The following TPGS2 variants were observed in gnomAD, a reference collection of about 807,000 sequenced individuals.
TPGS2 encodes the protein polyglutamylase subunit 2.
In TPGS2, 26 loss-of-function variants were observed where a neutral mutation model predicts 31.1. The ratio of observed to expected loss-of-function variants is 0.84; its 90% CI spans 0.61 to 1.16. TPGS2 has a LOEUF of 1.16. Ranked by LOEUF, TPGS2 falls within the 50% of genes most tolerant of loss-of-function variation. The pLI is 0.00. For missense variants in TPGS2, 351 were observed against 363.8 expected (o/e 0.96, Z 0.29); for synonymous variants, 130 against 136.6 (o/e 0.95, Z 0.34).
At chr18:36,808,878 C>T (rs1427710724) in intron 2 of TPGS2, among the ~76,000 whole-genome samples, 1 of 152,128 alleles carries the variant, frequency 6.6e-6, no homozygotes, top group Non-Finnish European at 1.5e-5. Flanking sequence ...CCAGTCTTCC[C>T]TAGCCAACTC....
downstream of TPGS2, among the ~76,000 whole-genome samples, chr18:36,791,229 A>G (rs2044299500): frequency 1.3e-5 from 2 of 152,220 alleles, no homozygotes; most frequent in South Asian, 4.1e-4. Flanking sequence ...CAGCCTGCAG[A>G]ACTTCAAGTC....
chr18:36,825,688 A>G (rs772504335), intron 1 of TPGS2, among the ~76,000 whole-genome samples: 19 of 152,206 alleles, frequency 1.2e-4, no homozygotes, highest in Non-Finnish European at 2.6e-4. Flanking sequence ...CTTTTCCATC[A>G]TCTCAAATAT....
intron 1 of TPGS2, 30 bp downstream of exon 1, chr18:36,828,653 C>T (rs2046316980): frequency 1.1e-5 from 17 of 1,612,934 alleles, no homozygotes; most frequent in East Asian, 2.2e-5. Flanking sequence ...CTCCTCCACA[C>T]CCTCTCGGCA....
At chr18:36,826,633 C>A (rs10048257) in intron 1 of TPGS2, among the ~76,000 whole-genome samples, 4,804 of 152,212 alleles carry the variant, frequency 0.032, 268 homozygotes, top group African/African-American at 0.11. Context: ...ACATAGCAGG[C>A]CCGAGACAAT....
chr18:36,785,154 C>T (rs1026251053), intron 6 of TPGS2, among the ~76,000 whole-genome samples: 1 of 152,076 alleles, frequency 6.6e-6, no homozygotes, highest in African/African-American at 2.4e-5. Flanking sequence ...CAAAAATTAG[C>T]TGGGCGTGGT....
At chr18:36,808,953 C>T (rs1335968492) in intron 2 of TPGS2, among the ~76,000 whole-genome samples, 1 of 152,116 alleles carries the variant, frequency 6.6e-6, no homozygotes, top group African/African-American at 2.4e-5. Flanking sequence ...AGAGTGACTT[C>T]TTGATGTAGT....
At chr18:36,787,181 C>A (rs2044153087) in intron 6 of TPGS2, 3 of 1,204,698 alleles carry the variant, frequency 2.5e-6, no homozygotes. Flanking sequence ...AAATGAGCCA[C>A]AAGGTAATAG....
intron 1 of TPGS2, among the ~76,000 whole-genome samples, chr18:36,823,468 T>TTTTTTTG (rs1234579253): frequency 7.2e-6 from 1 of 139,086 alleles, no homozygotes; most frequent in Non-Finnish European, 1.6e-5. Flanking sequence ...TTGTTTTTTT[T>TTTTTTTG]TTTTTTTTTT....
intron 6 of TPGS2, among the ~76,000 whole-genome samples, chr18:36,786,192 T>C (rs2044121274): frequency 6.6e-6 from 1 of 152,136 alleles, no homozygotes; most frequent in African/African-American, 2.4e-5. Flanking sequence ...AATAAATGTC[T>C]TGTCCAATCA....
chr18:36,782,234 A>G (rs1159129699), downstream of TPGS2, among the ~76,000 whole-genome samples: 2 of 152,194 alleles, frequency 1.3e-5, no homozygotes, highest in Non-Finnish European at 2.9e-5. Context: ...CCTAATCTTA[A>G]TTTTGTTTTA....
chr18:36,793,497 GTC>G (rs2044385659), downstream of TPGS2, among the ~76,000 whole-genome samples: 3 of 152,140 alleles, frequency 2.0e-5, no homozygotes, highest in African/African-American at 7.2e-5. Context: ...AATGACCTAT[GTC>G]ATTCATGAAG....
intron 5 of TPGS2, 103 bp downstream of exon 5, chr18:36,800,075 ACAAGGAACCTGGGAGCATCT>A (rs924274457): frequency 1.4e-4 from 117 of 812,952 alleles, no homozygotes; most frequent in Middle Eastern, 1.1e-3. Context: ...TTTGGGACAC[ACAAGGAACCTGGGAGCATCT>A]CAAGAGGCCA....
chr18:36,792,317 G>C (rs72883560), downstream of TPGS2, among the ~76,000 whole-genome samples: 203 of 152,128 alleles, frequency 1.3e-3, no homozygotes, highest in African/African-American at 4.8e-3. Flanking sequence ...GTCTACCTAC[G>C]GCATGCCTGG....
intron 6 of TPGS2, among the ~76,000 whole-genome samples, chr18:36,783,939 GA>G (rs564203804): frequency 2.1e-3 from 321 of 152,210 alleles, no homozygotes; most frequent in African/African-American, 7.3e-3. Flanking sequence ...CCTTATAAGA[GA>G]AAGGCAGAGT....
intron 2 of TPGS2, among the ~76,000 whole-genome samples, chr18:36,817,444 T>C (rs898171492): frequency 9.2e-5 from 14 of 151,950 alleles, no homozygotes; most frequent in Admixed American, 3.3e-4. Flanking sequence ...TTTTTTTTTT[T>C]TTTTTAAATG....
intron 2 of TPGS2, among the ~76,000 whole-genome samples, chr18:36,808,563 G>C (rs960003283): frequency 6.6e-6 from 1 of 151,978 alleles, no homozygotes; most frequent in East Asian, 1.9e-4. Flanking sequence ...GCATGAACCT[G>C]GGAGGCGGAG....
In TPGS2 at chr18:36,803,129, G is replaced by A. The variant is rs375761929; in HGVS notation, c.382+2245C>T. 3.5e-4 allele frequency among the ~76,000 whole-genome samples: 53 copies of A among 151,914 alleles called. No homozygotes were observed. The South Asian group carries it at 5.6e-3, about 16-fold the overall frequency. ...CCACTAGTATTTATCATTTCTTTGC[G>A]GTGAGAACATTTAAAATCCTTTCTT... is the stretch of plus-strand genomic sequence containing the variant. On this transcript the variant is annotated intron_variant, in intron 4 of 6. Coordinates refer to ENST00000334295, the MANE Select transcript of TPGS2 (RefSeq NM_015476.4).
downstream of TPGS2, among the ~76,000 whole-genome samples, chr18:36,791,158 C>T (rs513258): frequency 0.06 from 9,112 of 152,220 alleles, 889 homozygotes; most frequent in African/African-American, 0.21. Flanking sequence ...GCTTCCCCTT[C>T]CCCTTCCTCT....
Position 36,795,140 on chromosome 18 carries a change from GAGATATCGA to G in TPGS2, c.*1656_*1664del. 1 of 985,414 alleles carries G rather than the reference GAGATATCGA, an allele frequency of 1.0e-6. No individual in the cohort carries two copies. The highest frequency in any genetic ancestry group is 1.2e-6 in the Non-Finnish European group (1 of 829,940). 61.0% of individuals were successfully genotyped at this position (985,414 alleles called of 1,614,324 possible). A position where few individuals can be genotyped will look rare whatever the true frequency, so the allele number is the denominator to read the frequency against. The stretch of plus-strand genomic sequence containing the variant: ...GGGCTATGGAAAGTGGTAGGTGGAG[GAGATATCGA>G]AGGCGCTTTCTCATGAATATCTATC... On this transcript the variant is annotated 3_prime_UTR_variant, in exon 7 of 7. Coordinates refer to ENST00000334295, the MANE Select transcript of TPGS2 (RefSeq NM_015476.4).
Sources: allele counts gnomAD v4.1 joint callset (sites outside exome capture counted in the v4.1 genomes callset), GRCh38; gene constraint gnomAD v4.1.1; transcripts MANE v1.5; gene names NCBI Gene and HGNC (gene_info 2026-07-23, HGNC 2026-07-21).